Variants in KDM4C observed in about 807,000 individuals in gnomAD.
KDM4C encodes the protein lysine demethylase 4C, also known as lysine-specific demethylase 4C.
A neutral mutation model predicts 129.3 loss-of-function variants in KDM4C; 81 were observed. The ratio of observed to expected loss-of-function variants is 0.63; its 90% CI spans 0.52 to 0.75. KDM4C has a LOEUF of 0.75. Among genes scored for constraint, KDM4C ranks in the 30% least tolerant of loss-of-function variants. The pLI, the probability that KDM4C is intolerant of heterozygous loss-of-function variation, is 0.00. For missense variants in KDM4C, 1,457 were observed against 1,304.0 expected (o/e 1.12, Z -1.81); for synonymous variants, 573 against 456.1 (o/e 1.26, Z -3.26).
At chr9:6,807,928 CCGGGAGGGAGG>C (rs1298919389) in intron 3 of KDM4C, among the ~76,000 whole-genome samples, 4 of 129,014 alleles carry the variant, frequency 3.1e-5, no homozygotes. Flanking sequence ...GCCACCCCCT[CCGGGAGGGAGG>C]TGGGGGGGTC....
intron 8 of KDM4C, among the ~76,000 whole-genome samples, chr9:6,937,865 C>G (rs935614343): frequency 2.0e-5 from 3 of 152,092 alleles, no homozygotes; most frequent in African/African-American, 7.2e-5. Context: ...GAGTGCGCCA[C>G]TGTGGCCAGC....
intron 17 of KDM4C, among the ~76,000 whole-genome samples, chr9:7,102,904 G>A (rs763334322): frequency 3.9e-5 from 6 of 152,114 alleles, no homozygotes; most frequent in Non-Finnish European, 8.8e-5. Flanking sequence ...TACATTTAGT[G>A]AAGTTGTTTT....
At chr9:7,101,599 C>G (rs1837097636) in intron 17 of KDM4C, among the ~76,000 whole-genome samples, 1 of 152,194 alleles carries the variant, frequency 6.6e-6, no homozygotes. Flanking sequence ...TTCTGGTCCT[C>G]CTGGAATAGG....
rs894113260 is a variant in KDM4C, at chr9:6,781,941, C to T, written c.-17-11031C>T. 1.4e-4 allele frequency among the ~76,000 whole-genome samples: 21 copies of T among 151,962 alleles called. 1 individual carries two copies. The highest frequency in any genetic ancestry group is 1.2e-3 in the Admixed American group (18 of 15,246). On this transcript the variant is annotated intron_variant, in intron 1 of 21. Transcript: ENST00000381309. ...CTGGGTTCAGGCTATTCTCCTGCCT[C>T]AGCCTCCTCAGTAGCTGGGATTACG...
chr9:7,071,370 A>G (rs1833170708), intron 17 of KDM4C, among the ~76,000 whole-genome samples: 1 of 152,158 alleles, frequency 6.6e-6, no homozygotes, highest in African/African-American at 2.4e-5. Context: ...AATTGGATGA[A>G]TCTCACTACC....
intron 21 of KDM4C, among the ~76,000 whole-genome samples, chr9:7,171,690 C>G (rs376169423): frequency 1.3e-5 from 2 of 152,182 alleles, no homozygotes; most frequent in East Asian, 3.8e-4. Context: ...TGATCACAAT[C>G]TCTTTGTTTC....
chr9:6,918,275 T>C (rs1208610014), intron 8 of KDM4C, among the ~76,000 whole-genome samples: 4 of 152,238 alleles, frequency 2.6e-5, no homozygotes, highest in Admixed American at 1.3e-4. Context: ...ATGTGGTATT[T>C]GGTTTTTTGT....
chr9:7,148,823 T>G (rs1308613023), intron 19 of KDM4C, among the ~76,000 whole-genome samples: 3 of 152,136 alleles, frequency 2.0e-5, no homozygotes, highest in African/African-American at 4.8e-5. Context: ...GTCTGGGGTT[T>G]TTATGGGGTC....
intron 5 of KDM4C, 85 bp from the exon 6 acceptor site, chr9:6,879,927 G>A: frequency 1.6e-6 from 1 of 606,314 alleles, no homozygotes; most frequent in Non-Finnish European, 2.9e-6. Context: ...TTTCTTTTAT[G>A]TGACATTATT....
intron 17 of KDM4C, among the ~76,000 whole-genome samples, chr9:7,079,905 G>C (rs919618633): frequency 2.0e-5 from 3 of 152,086 alleles, no homozygotes; most frequent in Admixed American, 6.5e-5. Context: ...AGGGGCTGCT[G>C]GTTCTCCTTT....
chr9:6,759,262 A>T lies in KDM4C; in HGVS notation c.-18+1059A>T, dbSNP rs1818912691. On this transcript the variant is annotated intron_variant, in intron 1 of 21. Transcript: ENST00000381309. ...ACTCTGCCCTATTTTCACCCATTTC[A>T]GTTTGCGGTATTTAAAAAAATGTCT... 2.0e-5 allele frequency among the ~76,000 whole-genome samples: 3 copies of T among 152,142 alleles called. No individual in the cohort carries two copies. In the South Asian group the frequency reaches 6.2e-4, roughly 31 times the overall value.
At chr9:7,154,875 G>A (rs1308106259) in intron 19 of KDM4C, among the ~76,000 whole-genome samples, 2 of 152,188 alleles carry the variant, frequency 1.3e-5, no homozygotes, top group Non-Finnish European at 2.9e-5. Flanking sequence ...CCTAGAGGCA[G>A]TACAGCAAAC....
intron 18 of KDM4C, among the ~76,000 whole-genome samples, chr9:7,126,128 T>C (rs1334091628): frequency 6.6e-6 from 1 of 152,192 alleles, no homozygotes. Flanking sequence ...TCTTAAGTCT[T>C]GTTTCCTTAG....
chr9:6,886,317 CCTAT>C (rs1461726972), intron 6 of KDM4C, among the ~76,000 whole-genome samples: 6 of 151,384 alleles, frequency 4.0e-5, no homozygotes, highest in Admixed American at 2.0e-4. Flanking sequence ...TTCCTTCCTT[CCTAT>C]CTTTTTTTTT....
intron 2 of KDM4C, among the ~76,000 whole-genome samples, chr9:6,798,806 G>A (rs1360552661): frequency 6.6e-6 from 1 of 152,166 alleles, no homozygotes; most frequent in South Asian, 2.1e-4. Flanking sequence ...TCACTTCCCC[G>A]TAGGGGCGGC....
chr9:6,843,319 T>C (rs1345642821), intron 4 of KDM4C, among the ~76,000 whole-genome samples: 3 of 152,336 alleles, frequency 2.0e-5, no homozygotes, highest in South Asian at 2.1e-4. Flanking sequence ...TAAAAAGCTG[T>C]GGTCTGAACC....
chr9:6,967,410 C>G (rs1261151069), intron 8 of KDM4C, among the ~76,000 whole-genome samples: 1 of 131,458 alleles, frequency 7.6e-6, no homozygotes, highest in Admixed American at 8.3e-5. Context: ...GGTGACAGAG[C>G]AAGCTTCCAC....
intron 15 of KDM4C, among the ~76,000 whole-genome samples, chr9:7,016,344 G>T (rs1045437137): frequency 3.3e-5 from 5 of 150,464 alleles, no homozygotes; most frequent in African/African-American, 1.2e-4. Flanking sequence ...AACCAGGATG[G>T]TCTCGATCTC....
intron 17 of KDM4C, among the ~76,000 whole-genome samples, chr9:7,063,821 A>T (rs1280290534): frequency 6.6e-6 from 1 of 152,192 alleles, no homozygotes; most frequent in Non-Finnish European, 1.5e-5. Flanking sequence ...CAGAAGAATG[A>T]ACAGCATGCT....
Sources: allele counts gnomAD v4.1 joint callset (sites outside exome capture counted in the v4.1 genomes callset), GRCh38; gene constraint gnomAD v4.1.1; transcripts MANE v1.5; gene names NCBI Gene and HGNC (gene_info 2026-07-23, HGNC 2026-07-21).